ARHGAP12: variants seen among roughly 807,000 people sequenced by gnomAD.
ARHGAP12 encodes Rho GTPase activating protein 12.
In ARHGAP12, 64 loss-of-function variants were observed where a neutral mutation model predicts 108.6. The ratio of observed to expected loss-of-function variants is 0.59; its 90% confidence interval spans 0.48 to 0.73. The LOEUF is 0.73. ARHGAP12 is among the 30% of genes least tolerant of loss of function. The pLI, the probability that ARHGAP12 is intolerant of heterozygous loss-of-function variation, is 0.00. For missense variants in ARHGAP12, 940 were observed against 1,005.9 expected (o/e 0.93, Z 0.89); for synonymous variants, 312 against 337.2 (o/e 0.93, Z 0.82).
chr10:31,892,198 T>A (rs1013304090), intron 3 of ARHGAP12, among the ~76,000 whole-genome samples: 1 of 152,078 alleles, frequency 6.6e-6, no homozygotes, highest in African/African-American at 2.4e-5. Context: ...AGAAACTGCA[T>A]CAACTAACGA....
At chr10:31,880,226 T>TA (rs925007375) in intron 3 of ARHGAP12, among the ~76,000 whole-genome samples, 7 of 152,060 alleles carry the variant, frequency 4.6e-5, no homozygotes, top group Admixed American at 1.3e-4. Flanking sequence ...CCTTTGCAAA[T>TA]AAAAAAATGA....
Position 31,811,551 on chromosome 10 carries a change from T to G in ARHGAP12, c.1952-804A>C, listed in dbSNP as rs940601363. Among the ~76,000 whole-genome samples the G allele has an allele frequency of 2.2e-3, 329 of 151,990 alleles. 2 individuals carry two copies. The highest frequency in any genetic ancestry group is 6.8e-3 in the Middle Eastern group (2 of 294). On this transcript the variant is annotated intron_variant, in intron 15 of 19. Coordinates refer to ENST00000344936, the MANE Select transcript of ARHGAP12 (RefSeq NM_018287.7). ...TCACTTATTTGCCAGGCTTTTTTTT[T>G]TTTTTTTTAAGTTTTTAAAGACTCT...
intron 5 of ARHGAP12, 61 bp from the exon 6 acceptor site, chr10:31,852,658 C>CGTA: frequency 9.7e-7 from 1 of 1,034,696 alleles, no homozygotes; most frequent in Non-Finnish European, 1.5e-6. Context: ...TAAGCTACTA[C>CGTA]TATCAGAGAT....
Position 31,826,371 on chromosome 10 carries a change from G to C in ARHGAP12, c.1463C>G (p.Ser488Cys). The change falls in exon 11 of 20, where the codon TCT becomes TGT. Residue 488 changes from serine to cysteine, a missense_variant. Physicochemically the swap from Ser to Cys is moderately radical, Grantham distance 112. Coordinates refer to ENST00000344936, the MANE Select transcript of ARHGAP12 (RefSeq NM_018287.7). Reference protein sequence around the residue: ...NGKKVRKNWLSSWAVLQGSSL... With the variant: ...NGKKVRKNWLCSWAVLQGSSL... ...TGAACCCTGCAACACCGCCCAAGAA[G>C]ACAACCAGTTCTTTCTGTAATTATA... The C allele has an allele frequency of 6.2e-7, 1 of 1,611,108 alleles. No individual in the cohort carries two copies. The highest frequency in any genetic ancestry group is 8.5e-7 in the Non-Finnish European group (1 of 1,178,488).
At chr10:31,922,402 A>ATTT (rs376445093) in intron 1 of ARHGAP12, among the ~76,000 whole-genome samples, 11 of 142,388 alleles carry the variant, frequency 7.7e-5, no homozygotes, top group African/African-American at 2.6e-4. Context: ...AAGTAGACAA[A>ATTT]TTTTTTTTTT....
intron 3 of ARHGAP12, among the ~76,000 whole-genome samples, chr10:31,897,289 C>T (rs1229632439): frequency 1.3e-5 from 2 of 152,166 alleles, no homozygotes; most frequent in African/African-American, 2.4e-5. Context: ...TTCCCAGACT[C>T]CACATCCCTG....
chr10:31,851,724 T>C (rs556055416), intron 6 of ARHGAP12, among the ~76,000 whole-genome samples: 1 of 152,322 alleles, frequency 6.6e-6, no homozygotes, highest in South Asian at 2.1e-4. Context: ...GTAGTCAATG[T>C]AGTAACATCT....
intron 1 of ARHGAP12, among the ~76,000 whole-genome samples, chr10:31,927,374 T>G (rs1327450903): frequency 6.6e-6 from 1 of 152,182 alleles, no homozygotes; most frequent in Admixed American, 6.5e-5. Flanking sequence ...CTTTTAAGTA[T>G]GAAAGAGGCG....
chr10:31,811,994 T>C (rs1015927898), intron 15 of ARHGAP12, among the ~76,000 whole-genome samples: 12 of 152,234 alleles, frequency 7.9e-5, no homozygotes, highest in Admixed American at 5.2e-4. Context: ...CGTGTTTTAA[T>C]GCAGATGCTT....
intron 9 of ARHGAP12, among the ~76,000 whole-genome samples, chr10:31,837,155 A>C (rs774626912): frequency 3.3e-5 from 5 of 152,346 alleles, no homozygotes; most frequent in Non-Finnish European, 5.9e-5. Context: ...CTCTTTTAAC[A>C]AAATGAAAAT....
At chr10:31,860,001 C>T (rs1029156609) in intron 4 of ARHGAP12, among the ~76,000 whole-genome samples, 1 of 152,038 alleles carries the variant, frequency 6.6e-6, no homozygotes, top group African/African-American at 2.4e-5. Flanking sequence ...AGGCTGGTTT[C>T]GAACTCCTGA....
chr10:31,858,191 C>A lies in ARHGAP12; in HGVS notation c.948+3204G>T, dbSNP rs1836958476. Among the ~76,000 whole-genome samples the A allele has an allele frequency of 2.0e-5, 3 of 152,054 alleles. No homozygotes were observed. In the South Asian group the frequency reaches 6.2e-4, roughly 32 times the overall value. ...CTGTACCCCAGCCTGGGCAACAGAG[C>A]AAAACCCTGTCTCCTGCCAAAAAAG... On this transcript the variant is annotated intron_variant, in intron 4 of 19. Coordinates refer to ENST00000344936, the MANE Select transcript of ARHGAP12 (RefSeq NM_018287.7).
intron 3 of ARHGAP12, among the ~76,000 whole-genome samples, chr10:31,890,696 G>C (rs186995574): frequency 2.0e-4 from 31 of 152,224 alleles, no homozygotes; most frequent in African/African-American, 7.2e-4. Context: ...CTATTAACTG[G>C]CTATTCAAAG....
chr10:31,893,162 T>C (rs1209483146), intron 3 of ARHGAP12, among the ~76,000 whole-genome samples: 1 of 152,206 alleles, frequency 6.6e-6, no homozygotes, highest in Admixed American at 6.5e-5. Context: ...AGATCTAAAA[T>C]TGACACCCTA....
At chr10:31,858,290 T>C (rs1836962456) in intron 4 of ARHGAP12, among the ~76,000 whole-genome samples, 3 of 152,178 alleles carry the variant, frequency 2.0e-5, no homozygotes, top group Admixed American at 2.0e-4. Flanking sequence ...TTAAGAGTCA[T>C]GTACAACAAC....
chr10:31,916,012 T>C (rs891854408), intron 1 of ARHGAP12, among the ~76,000 whole-genome samples: 12 of 152,338 alleles, frequency 7.9e-5, no homozygotes, highest in Non-Finnish European at 1.8e-4. Context: ...GATTCTGTTC[T>C]TAAGAGAAAG....
intron 1 of ARHGAP12, among the ~76,000 whole-genome samples, chr10:31,919,455 C>G (rs1008023109): frequency 1.2e-4 from 18 of 152,170 alleles, no homozygotes; most frequent in African/African-American, 3.6e-4. Context: ...TCAAAAGCCA[C>G]AAGTAACTAA....
At chr10:31,850,509 C>G (rs759496767) in intron 6 of ARHGAP12, among the ~76,000 whole-genome samples, 1 of 152,104 alleles carries the variant, frequency 6.6e-6, no homozygotes, top group Non-Finnish European at 1.5e-5. Flanking sequence ...AAATTAATCA[C>G]TAAATTTTTT....
At chr10:31,813,159 C>T (rs1408917719) in intron 14 of ARHGAP12, among the ~76,000 whole-genome samples, 3 of 152,032 alleles carry the variant, frequency 2.0e-5, no homozygotes, top group Admixed American at 2.0e-4. Flanking sequence ...TATTGATTCT[C>T]CATCAGTTTT....
Sources: gnomAD v4.1 joint callset for allele counts (sites outside exome capture counted in the v4.1 genomes callset) on GRCh38, gnomAD v4.1.1 for gene constraint, MANE v1.5 for transcripts, NCBI Gene and HGNC (gene_info 2026-07-23, HGNC 2026-07-21) for gene names.